The following SLC26A4 variants were observed in gnomAD, a reference collection of about 807,000 sequenced individuals.
The protein encoded by SLC26A4 is pendrin.
SLC26A4 carries 93 observed loss-of-function variants against 90.4 expected under a neutral mutation model. That is an observed-to-expected ratio of 1.03 (90% CI 0.87 to 1.22). The LOEUF (loss-of-function observed/expected upper bound fraction) is 1.22. Ranked by LOEUF, SLC26A4 falls within the 50% of genes most tolerant of loss-of-function variation. The pLI is 0.00. For missense variants in SLC26A4, 1,127 were observed against 946.2 expected, an observed-to-expected ratio of 1.19 and a Z score of -2.51; for synonymous variants, 393 against 354.6, an observed-to-expected ratio of 1.11 and a Z score of -1.22.
chr7:107,676,540 C>G (rs1381501056), intron 6 of SLC26A4, among the ~76,000 whole-genome samples: 2 of 152,094 alleles, frequency 1.3e-5, no homozygotes, highest in East Asian at 3.8e-4. Context: ...AAAATGTGTT[C>G]TACATAAAGC....
intron 20 of SLC26A4, among the ~76,000 whole-genome samples, chr7:107,713,530 G>C (rs1197744209): frequency 3.9e-5 from 6 of 152,158 alleles, no homozygotes; most frequent in Non-Finnish European, 7.4e-5. Context: ...TCTTCCAGTT[G>C]AGACTCTTCT....
At chr7:107,662,377 T>G (rs990644954) in intron 2 of SLC26A4, among the ~76,000 whole-genome samples, 13 of 152,106 alleles carry the variant, frequency 8.5e-5, no homozygotes, top group Admixed American at 7.9e-4. Context: ...CATAAAGAAA[T>G]TAGAGTTTCT....
chr7:107,672,292 A>G, intron 4 of SLC26A4, 44 bp downstream of exon 4: 1 of 1,283,812 alleles, frequency 7.8e-7, no homozygotes, highest in African/African-American at 1.5e-5. Flanking sequence ...TCATGTTTAA[A>G]GTGTTTTGGC....
intron 2 of SLC26A4, among the ~76,000 whole-genome samples, 158 bp from the exon 3 acceptor site, chr7:107,663,138 G>A (rs1255657246): frequency 6.6e-6 from 1 of 152,192 alleles, no homozygotes; most frequent in African/African-American, 2.4e-5. Flanking sequence ...CTTGGCAAAA[G>A]CATGGTAAGC....
intron 17 of SLC26A4, among the ~76,000 whole-genome samples, chr7:107,703,932 A>G (rs1791968167): frequency 6.6e-6 from 1 of 152,242 alleles, no homozygotes; most frequent in Non-Finnish European, 1.5e-5. Context: ...AAATCACAGT[A>G]GGACACTGAC....
At chr7:107,683,585 A>G in intron 8 of SLC26A4, 48 bp downstream of exon 8, 2 of 1,430,572 alleles carry the variant, frequency 1.4e-6, no homozygotes, top group Non-Finnish European at 2.0e-6. Flanking sequence ...TCAGTAAGTC[A>G]GTCTTTTTTA....
intron 3 of SLC26A4, among the ~76,000 whole-genome samples, chr7:107,670,502 T>C (rs1232762080): frequency 1.3e-5 from 2 of 152,156 alleles, no homozygotes; most frequent in African/African-American, 4.8e-5. Context: ...GTTTTGAATC[T>C]TGATTTTACT....
chr7:107,673,733 T>C (rs909957374), intron 4 of SLC26A4, among the ~76,000 whole-genome samples: 1 of 152,154 alleles, frequency 6.6e-6, no homozygotes, highest in Non-Finnish European at 1.5e-5. Flanking sequence ...TTTTAGCTTC[T>C]TTTTGTTGTT....
rs397516423 is a variant in SLC26A4 at position 107,701,947 on chromosome 7, T to C, written c.1924T>C (p.Ser642Pro). 1.7e-4 allele frequency: 273 copies of C among 1,613,424 alleles called. No individual in the cohort carries two copies. The Admixed American group carries it at 4.3e-3, about 26-fold the overall frequency. Reference sequence around the variant, plus strand: ...AATAGAGATTCAAGTGGATTGGAACTCTGAGCTTCCAGTCAAAGTGAACGT... The same window carrying C: ...AATAGAGATTCAAGTGGATTGGAACCCTGAGCTTCCAGTCAAAGTGAACGT... ...KEIEIQVDWN[S>P]ELPVKVNVPK... Residue 642 changes from serine to proline, a missense_variant, in exon 17 of 21, where the codon TCT (serine) becomes CCT (proline). By Grantham distance (74) the Ser-to-Pro change is moderately conservative. Coordinates refer to ENST00000644269, the MANE Select transcript of SLC26A4 (RefSeq NM_000441.2).
At chr7:107,711,232 C>T (rs1792177167) in intron 19 of SLC26A4, among the ~76,000 whole-genome samples, 1 of 151,352 alleles carries the variant, frequency 6.6e-6, no homozygotes, top group South Asian at 2.1e-4. Context: ...TTTTTCTATC[C>T]AACTTAAAAT....
intron 18 of SLC26A4, among the ~76,000 whole-genome samples, chr7:107,708,874 A>G (rs1050384976): frequency 1.3e-5 from 2 of 152,044 alleles, no homozygotes; most frequent in Non-Finnish European, 2.9e-5. Flanking sequence ...AAAGCTGGAG[A>G]TTACTTAGAT....
intron 3 of SLC26A4, among the ~76,000 whole-genome samples, chr7:107,663,902 A>T (rs1051782638): frequency 6.6e-6 from 1 of 152,142 alleles, no homozygotes; most frequent in Non-Finnish European, 1.5e-5. Flanking sequence ...CCAGGATGGT[A>T]TCGACCTCCT....
At chr7:107,715,066 T>TAAAAAAAAAAAAAAAAACAAAAA (rs1792306188) in intron 20 of SLC26A4, among the ~76,000 whole-genome samples, 1 of 98,678 alleles carries the variant, frequency 1.0e-5, no homozygotes, top group Non-Finnish European at 2.1e-5. Context: ...CCATCTCTAC[T>TAAAAAAAAAAAAAAAAACAAAAA]AAAAAAAAAA....
chr7:107,686,773 C>G (rs563608499), intron 8 of SLC26A4, among the ~76,000 whole-genome samples: 1 of 152,256 alleles, frequency 6.6e-6, no homozygotes, highest in African/African-American at 2.4e-5. Context: ...GTTATAGACC[C>G]CTTTTGTCAG....
rs1434359940 is a variant in SLC26A4 at position 107,675,009 on chromosome 7, G to T, written c.665G>T (p.Gly222Val). The change falls in exon 6 of 21, where the codon GGC becomes GTC. Residue 222 changes from glycine to valine, a missense_variant. Gly to Val is a moderately radical substitution (Grantham distance 109). Coordinates refer to ENST00000644269, the MANE Select transcript of SLC26A4 (RefSeq NM_000441.2). ...TACTTGGCAGATCCTTTGGTTGGTG[G>T]CTTCACAACAGCTGCTGCCTTCCAA... ...VRYLADPLVG[G>V]FTTAAAFQVL... 4.3e-6 allele frequency: 7 copies of T among 1,614,012 alleles called. No homozygotes were observed. Among genetic ancestry groups the T allele is most frequent in the Non-Finnish European group, 5.9e-6 (7 of 1,179,934 alleles).
At chr7:107,694,570 C>A (rs764490335) in intron 11 of SLC26A4, 51 bp from the exon 12 acceptor site, 1 of 1,541,236 alleles carries the variant, frequency 6.5e-7, no homozygotes, top group East Asian at 2.2e-5. Flanking sequence ...ACAATCATCA[C>A]ATGGAAAACC....
chr7:107,704,355 G>T lies in SLC26A4; in HGVS notation c.2059G>T (p.Asp687Tyr), dbSNP rs35548413. The T allele has an allele frequency of 6.6e-5, 92 of 1,399,428 alleles. 1 individual carries two copies. The African/African-American group carries it at 1.2e-3, about 19-fold the overall frequency. 86.7% of individuals were successfully genotyped at this position (1,399,428 alleles called of 1,614,324 possible). Reference protein sequence around the residue: ...RVIVKEFQRIDVNVYFASLQD... With the variant: ...RVIVKEFQRIYVNVYFASLQD... ...GATTGTCAAAGAATTCCAAAGAATT[G>T]ATGTGAATGTGTATTTTGCATCACT... is the stretch of plus-strand genomic sequence containing the variant. The change falls in exon 18 of 21, where the codon GAT (aspartate) becomes TAT (tyrosine). Residue 687 changes from aspartate to tyrosine, a missense_variant. Transcript: ENST00000644269.
In SLC26A4 at chr7:107,661,829, A is replaced by G. The variant is rs1344678294; in HGVS notation, c.164+24A>G. On this transcript the variant is annotated intron_variant, in intron 2 of 20. Transcript: ENST00000644269. This position sits in a 1 kb window ranked among gnomAD's most constrained non-coding sequence, Gnocchi z 5.1. ...AGGTAGCGGCCGCGCGGGCCTGCGT[A>G]GAGAGAAGCGGAGCGGGGCGTCCAC... 1 of 1,529,192 alleles carries G rather than the reference A, an allele frequency of 6.5e-7. No homozygotes were observed. Among genetic ancestry groups the G allele is most frequent in the Non-Finnish European group, 8.8e-7 (1 of 1,142,190 alleles). 94.7% of individuals were successfully genotyped at this position (1,529,192 alleles called of 1,614,324 possible).
chr7:107,713,469 T>C (rs557199731), intron 20 of SLC26A4, among the ~76,000 whole-genome samples: 14 of 152,356 alleles, frequency 9.2e-5, no homozygotes, highest in East Asian at 5.8e-4. Flanking sequence ...ACCTTCCCAC[T>C]GAACAGCCCT....
Sources: allele counts gnomAD v4.1 joint callset (sites outside exome capture counted in the v4.1 genomes callset), GRCh38; gene constraint gnomAD v4.1.1; non-coding constraint Gnocchi (gnomAD v3.1); transcripts MANE v1.5; gene names NCBI Gene and HGNC (gene_info 2026-07-23, HGNC 2026-07-21).